Variants in KIAA1958 observed in about 807,000 individuals in gnomAD.
KIAA1958 encodes the protein uncharacterized protein KIAA1958.
Under a neutral mutation model 47.2 loss-of-function variants are expected in KIAA1958, and 14 were observed. The observed-to-expected ratio is 0.30, with a 90% CI of 0.20 to 0.46. The LOEUF is 0.46. Ranked by LOEUF, KIAA1958 falls within the 20% of genes least tolerant of loss-of-function variation. The pLI is 1.00. For synonymous variants in KIAA1958, 354 were observed against 353.3 expected, an observed-to-expected ratio of 1.00 and a Z score of -0.02; for missense variants, 803 against 909.2, an observed-to-expected ratio of 0.88 and a Z score of 1.50.
At chr9:112,511,699 A>G (rs1030518220) in intron 1 of KIAA1958, among the ~76,000 whole-genome samples, 4 of 152,228 alleles carry the variant, frequency 2.6e-5, no homozygotes, top group Admixed American at 6.5e-5. Flanking sequence ...AATCAGTGAA[A>G]TAGAATAGAA....
intron 1 of KIAA1958, among the ~76,000 whole-genome samples, chr9:112,495,444 CCACT>C (rs1169518354): frequency 6.6e-6 from 1 of 152,026 alleles, no homozygotes; most frequent in East Asian, 1.9e-4. Flanking sequence ...AAAAATATGG[CCACT>C]CAATTAAAAT....
At chr9:112,655,693 G>C (rs1044023679) in intron 3 of KIAA1958, among the ~76,000 whole-genome samples, 1 of 152,178 alleles carries the variant, frequency 6.6e-6, no homozygotes, top group Non-Finnish European at 1.5e-5. Flanking sequence ...GGCTTAAAAA[G>C]GGAACTTGGA....
Position 112,618,460 on chromosome 9 carries a change from G to A in KIAA1958, c.1172-27190G>A. On this transcript the variant is annotated intron_variant, in intron 2 of 3. Coordinates refer to ENST00000337530, the MANE Select transcript of KIAA1958 (RefSeq NM_133465.4). The surrounding 1 kb of genome is among the most constrained non-coding windows in gnomAD (Gnocchi z 7.1). ...TCGAGTACTTGGAGTGGATGGGTCAGGACACTGGAGACTTGAATGCCAAAA... is the reference window on the plus strand; with the variant it reads ...TCGAGTACTTGGAGTGGATGGGTCAAGACACTGGAGACTTGAATGCCAAAA... 1 of 1,551,048 alleles carries A rather than the reference G, an allele frequency of 6.4e-7. No homozygotes were observed. Among genetic ancestry groups the A allele is most frequent in the Non-Finnish European group, 8.7e-7 (1 of 1,147,094 alleles).
chr9:112,659,761 G>T lies in KIAA1958; in HGVS notation c.1843G>T (p.Gly615Trp). 6.2e-7 allele frequency: 1 copy of T among 1,614,128 alleles called. No homozygotes were observed. The highest frequency in any genetic ancestry group is 8.5e-7 in the Non-Finnish European group (1 of 1,180,022). The change falls in exon 4 of 4, where the codon GGG becomes TGG. Residue 615 changes from glycine to tryptophan, a missense_variant. By Grantham distance (184) the Gly-to-Trp change is radical (BLOSUM62 -2). Transcript: ENST00000337530. ...SRSGSTRVCH[G>W]KIYHEHSRGH... ...GAGCGGCTCCACCAGAGTGTGTCAC[G>T]GGAAGATCTACCATGAGCATTCCCG...
chr9:112,530,700 A>G (rs1005712899), intron 1 of KIAA1958, among the ~76,000 whole-genome samples: 1 of 152,184 alleles, frequency 6.6e-6, no homozygotes, highest in African/African-American at 2.4e-5. Flanking sequence ...GAATTTTTAC[A>G]TTTCTCTGGC....
At chr9:112,573,421 G>C (rs998056922) in intron 1 of KIAA1958, among the ~76,000 whole-genome samples, 2 of 152,104 alleles carry the variant, frequency 1.3e-5, no homozygotes, top group African/African-American at 2.4e-5. Context: ...CCCTCCAGCA[G>C]GTCTCCTCCC....
At chr9:112,568,222 C>CT (rs1835462324) in intron 1 of KIAA1958, among the ~76,000 whole-genome samples, 1 of 152,054 alleles carries the variant, frequency 6.6e-6, no homozygotes, top group Non-Finnish European at 1.5e-5. Context: ...GAAGAAATAG[C>CT]TTTTACAACT....
At chr9:112,580,435 G>C (rs1025900968) in intron 2 of KIAA1958, among the ~76,000 whole-genome samples, 1 of 151,904 alleles carries the variant, frequency 6.6e-6, no homozygotes, top group South Asian at 2.1e-4. Context: ...TATATACATA[G>C]ACACATATTT....
intron 1 of KIAA1958, among the ~76,000 whole-genome samples, chr9:112,528,963 T>C (rs1004452693): frequency 6.6e-6 from 1 of 151,722 alleles, no homozygotes; most frequent in African/African-American, 2.4e-5. Flanking sequence ...CCTTTAGAAC[T>C]TTTTTTTTGT....
chr9:112,586,321 A>G (rs1181527996), intron 2 of KIAA1958, among the ~76,000 whole-genome samples: 1 of 152,232 alleles, frequency 6.6e-6, no homozygotes, highest in Non-Finnish European at 1.5e-5. Context: ...CTACTCAGCT[A>G]AAAATAACAA....
chr9:112,495,212 T>A (rs1052667901), intron 1 of KIAA1958, among the ~76,000 whole-genome samples: 1 of 152,200 alleles, frequency 6.6e-6, no homozygotes, highest in Non-Finnish European at 1.5e-5. Context: ...TGTGCCTGGC[T>A]ATTTTCTTAA....
At chr9:112,582,768 T>TG (rs1313627706) in intron 2 of KIAA1958, among the ~76,000 whole-genome samples, 1 of 149,970 alleles carries the variant, frequency 6.7e-6, no homozygotes, top group African/African-American at 2.5e-5. Context: ...TAACCAAAGA[T>TG]GACAGCTTCT....
intron 2 of KIAA1958, among the ~76,000 whole-genome samples, chr9:112,605,008 TTA>T (rs1358790738): frequency 6.8e-6 from 1 of 147,626 alleles, no homozygotes; most frequent in Admixed American, 6.8e-5. Flanking sequence ...TTTTTATATG[TTA>T]TATATTTTAT....
At chr9:112,495,951 C>T (rs1564148482) in intron 1 of KIAA1958, among the ~76,000 whole-genome samples, 2 of 152,128 alleles carry the variant, frequency 1.3e-5, no homozygotes, top group East Asian at 1.9e-4. Flanking sequence ...GGAAGAGAAT[C>T]GTGGTGCCCA....
At chr9:112,511,547 A>G (rs1055065802) in intron 1 of KIAA1958, among the ~76,000 whole-genome samples, 1 of 152,226 alleles carries the variant, frequency 6.6e-6, no homozygotes, top group Non-Finnish European at 1.5e-5. Context: ...GGGCATCAAA[A>G]TTTGTGGGAT....
At chr9:112,520,475 A>G (rs1011787755) in intron 1 of KIAA1958, among the ~76,000 whole-genome samples, 1 of 152,210 alleles carries the variant, frequency 6.6e-6, no homozygotes. Flanking sequence ...GTTAACTTTC[A>G]CAGTAAGAGC....
At chr9:112,657,969 GC>G (rs1481060140) in intron 3 of KIAA1958, among the ~76,000 whole-genome samples, 1 of 151,192 alleles carries the variant, frequency 6.6e-6, no homozygotes, top group African/African-American at 2.4e-5. Context: ...CAATTCTCCT[GC>G]CTCAGTCTCC....
chr9:112,583,829 G>T (rs544547267), intron 2 of KIAA1958, among the ~76,000 whole-genome samples: 1 of 152,254 alleles, frequency 6.6e-6, no homozygotes, highest in South Asian at 2.1e-4. Flanking sequence ...GGTTTTCTTC[G>T]AGGAGGGGGT....
At chr9:112,503,580 G>C (rs1389200779) in intron 1 of KIAA1958, among the ~76,000 whole-genome samples, 2 of 133,454 alleles carry the variant, frequency 1.5e-5, no homozygotes, top group Admixed American at 1.8e-4. Flanking sequence ...TCATACCACT[G>C]TACTCCAGCC....
Sources: allele counts gnomAD v4.1 joint callset (sites outside exome capture counted in the v4.1 genomes callset), GRCh38; gene constraint gnomAD v4.1.1; non-coding constraint Gnocchi (gnomAD v3.1); transcripts MANE v1.5; gene names NCBI Gene and HGNC (gene_info 2026-07-23, HGNC 2026-07-21).